Variants in ZNF385D observed in about 807,000 individuals in gnomAD.
ZNF385D encodes zinc finger protein 659.
In ZNF385D, 15 loss-of-function variants were observed where a neutral mutation model predicts 35.8. The ratio of observed to expected loss-of-function variants is 0.42; its 90% CI spans 0.28 to 0.64. The LOEUF is 0.64. ZNF385D is among the 30% of genes least tolerant of loss of function. The pLI, the probability that ZNF385D is intolerant of heterozygous loss-of-function variation, is 0.23. For synonymous variants in ZNF385D, 212 were observed against 186.8 expected, an observed-to-expected ratio of 1.13 and a Z score of -1.10; for missense variants, 474 against 494.6, an observed-to-expected ratio of 0.96 and a Z score of 0.39.
chr3:22,059,579 C>T (rs79007157), intron 3 of ZNF385D, among the ~76,000 whole-genome samples: 286 of 152,194 alleles, frequency 1.9e-3, no homozygotes, highest in African/African-American at 6.6e-3. Flanking sequence ...GGAATGTATA[C>T]AAAGTTGTGA....
Position 21,750,953 on chromosome 3 carries a change from G to A in ZNF385D, c.-37C>T, listed in dbSNP as rs1441994979. On this transcript the variant is annotated 5_prime_UTR_variant, in exon 1 of 8. Coordinates refer to ENST00000281523, the MANE Select transcript of ZNF385D (RefSeq NM_024697.3). ...CTGGAATCCCACCGCGGTGTCTTCA[G>A]CATCAGCTCTCACCCAAGGCTGGCA... 1.2e-6 allele frequency: 2 copies of A among 1,613,852 alleles called. No individual in the cohort carries two copies. Among genetic ancestry groups the A allele is most frequent in the African/African-American group, 1.3e-5 (1 of 74,914 alleles).
intron 3 of ZNF385D, among the ~76,000 whole-genome samples, chr3:21,843,035 A>C (rs1474669958): frequency 6.6e-6 from 1 of 152,080 alleles, no homozygotes. Flanking sequence ...GTTTAGCATA[A>C]AAGCTTTTAA....
intron 1 of ZNF385D, among the ~76,000 whole-genome samples, chr3:21,727,124 GA>G (rs1213026666): frequency 6.6e-6 from 1 of 152,126 alleles, no homozygotes; most frequent in Admixed American, 6.6e-5. Flanking sequence ...GCTATATGCA[GA>G]AAACTGAAAC....
intron 4 of ZNF385D, among the ~76,000 whole-genome samples, chr3:21,468,005 G>GA: frequency 6.6e-6 from 1 of 151,844 alleles, no homozygotes; most frequent in African/African-American, 2.4e-5. Context: ...AAATATCTTT[G>GA]AAAAAAAGAT....
chr3:22,174,341 C>G (rs1373241021), intron 2 of ZNF385D, among the ~76,000 whole-genome samples: 1 of 152,138 alleles, frequency 6.6e-6, no homozygotes, highest in Non-Finnish European at 1.5e-5. Flanking sequence ...CCTCTAAAAT[C>G]TCCAAGAATC....
Position 22,318,532 on chromosome 3 carries a change from A to G in ZNF385D, c.106+53918T>C, listed in dbSNP as rs552265546. ...TTAAATTTGAGTACAAATGTTTCTGATTGAGAGAGGAGCCAAGATGAATTA... is the reference window on the plus strand; with the variant it reads ...TTAAATTTGAGTACAAATGTTTCTGGTTGAGAGAGGAGCCAAGATGAATTA... On this transcript the variant is annotated intron_variant, in intron 2 of 5. Transcript: ENST00000494108. 3.3e-5 allele frequency among the ~76,000 whole-genome samples: 5 copies of G among 152,296 alleles called. No individual in the cohort carries two copies. In the South Asian group the frequency reaches 1.0e-3, roughly 32 times the overall value.
intron 3 of ZNF385D, among the ~76,000 whole-genome samples, chr3:21,774,928 A>T (rs778109661): frequency 3.3e-5 from 5 of 151,968 alleles, no homozygotes; most frequent in Middle Eastern, 3.2e-3. Flanking sequence ...AGGTAATAGT[A>T]TGCTGGTAAA....
chr3:22,247,200 G>A (rs1699830630), intron 2 of ZNF385D, among the ~76,000 whole-genome samples: 1 of 151,932 alleles, frequency 6.6e-6, no homozygotes, highest in Non-Finnish European at 1.5e-5. Flanking sequence ...TGATAATAAT[G>A]TCCTTTAGAA....
At chr3:21,767,569 G>A (rs747362726) in intron 3 of ZNF385D, among the ~76,000 whole-genome samples, 16 of 151,816 alleles carry the variant, frequency 1.1e-4, no homozygotes, top group Non-Finnish European at 1.9e-4. Context: ...ACATCTCCAG[G>A]ATCTCGTGAC....
intron 2 of ZNF385D, among the ~76,000 whole-genome samples, chr3:22,192,427 C>A (rs572129401): frequency 3.9e-5 from 6 of 152,118 alleles, no homozygotes; most frequent in African/African-American, 1.4e-4. Context: ...ATAAACAGGG[C>A]TAACATATGT....
chr3:22,320,423 G>A (rs866360910), intron 2 of ZNF385D, among the ~76,000 whole-genome samples: 2 of 151,642 alleles, frequency 1.3e-5, no homozygotes, highest in Admixed American at 6.6e-5. Flanking sequence ...CCTTGTTTTT[G>A]ATCATGTTCT....
At chr3:21,794,730 T>A (rs1038120926) in intron 3 of ZNF385D, among the ~76,000 whole-genome samples, 2 of 152,230 alleles carry the variant, frequency 1.3e-5, no homozygotes, top group Non-Finnish European at 2.9e-5. Context: ...TGGTAAATTT[T>A]AAAGCTGCTG....
At chr3:22,147,656 A>G (rs1704946627) in intron 3 of ZNF385D, among the ~76,000 whole-genome samples, 1 of 152,182 alleles carries the variant, frequency 6.6e-6, no homozygotes, top group Non-Finnish European at 1.5e-5. Context: ...GAAAAAGATA[A>G]TATTAGGCAC....
intron 3 of ZNF385D, among the ~76,000 whole-genome samples, chr3:22,048,343 T>C (rs1211733118): frequency 1.3e-5 from 2 of 152,162 alleles, no homozygotes; most frequent in Admixed American, 1.3e-4. Context: ...CAAACCAGTA[T>C]CATGGGGCTT....
At chr3:21,746,129 C>T (rs149008059) in intron 1 of ZNF385D, among the ~76,000 whole-genome samples, 12 of 152,234 alleles carry the variant, frequency 7.9e-5, no homozygotes, top group Middle Eastern at 3.4e-3. Context: ...CAACTGTGAC[C>T]GAATCTTCCG....
intron 2 of ZNF385D, among the ~76,000 whole-genome samples, chr3:22,260,168 T>C (rs1700549125): frequency 6.6e-6 from 1 of 152,038 alleles, no homozygotes; most frequent in Non-Finnish European, 1.5e-5. Flanking sequence ...TGAAATAATA[T>C]TCTAATTAAA....
intron 1 of ZNF385D, among the ~76,000 whole-genome samples, chr3:21,733,184 C>G (rs2069094566): frequency 6.6e-6 from 1 of 151,924 alleles, no homozygotes; most frequent in Non-Finnish European, 1.5e-5. Context: ...TTGTCAAAGA[C>G]CAGTTGCTTA....
intron 3 of ZNF385D, among the ~76,000 whole-genome samples, chr3:21,759,603 T>A (rs1057146869): frequency 2.0e-5 from 3 of 152,178 alleles, no homozygotes; most frequent in Non-Finnish European, 4.4e-5. Context: ...ACATCTTGTG[T>A]AGCAGGCTGA....
chr3:22,331,265 G>A (rs1175938815), intron 2 of ZNF385D, among the ~76,000 whole-genome samples: 2 of 152,034 alleles, frequency 1.3e-5, no homozygotes, highest in Non-Finnish European at 2.9e-5. Context: ...AGATTACACA[G>A]CACAAGTGTC....
Sources: gnomAD v4.1 joint callset for allele counts (sites outside exome capture counted in the v4.1 genomes callset) on GRCh38, gnomAD v4.1.1 for gene constraint, MANE v1.5 for transcripts, NCBI Gene and HGNC (gene_info 2026-07-23, HGNC 2026-07-21) for gene names.